The following HCN2 variants were observed in gnomAD, a reference collection of about 807,000 sequenced individuals.
HCN2 encodes the protein potassium/sodium hyperpolarization-activated cyclic nucleotide-gated channel 2.
In HCN2, 20 loss-of-function variants were observed where a neutral mutation model predicts 52.3. That is an observed-to-expected ratio of 0.38 (90% CI 0.27 to 0.56). The LOEUF is 0.56. Ranked by LOEUF, HCN2 falls within the 20% of genes least tolerant of loss-of-function variation. The pLI is 0.71. For synonymous variants in HCN2, 694 were observed against 537.0 expected (o/e 1.29, Z -4.04); for missense variants, 981 against 1,207.7 (o/e 0.81, Z 2.78).
intron 1 of HCN2, among the ~76,000 whole-genome samples, chr19:597,093 G>A (rs747438439): frequency 9.2e-5 from 14 of 152,304 alleles, no homozygotes; most frequent in South Asian, 2.1e-4. Context: ...TGGTTGGAAC[G>A]GGCAGGCCCA....
chr19:593,238 A>C (rs565377628), intron 1 of HCN2, among the ~76,000 whole-genome samples: 45 of 152,278 alleles, frequency 3.0e-4, no homozygotes, highest in Non-Finnish European at 6.0e-4. Context: ...ATATTTGCTG[A>C]ATTTTCTGAG....
At chr19:611,321 G>A (rs59027729) in intron 5 of HCN2, among the ~76,000 whole-genome samples, 2,465 of 152,296 alleles carry the variant, frequency 0.016, 25 homozygotes, top group African/African-American at 0.037. Flanking sequence ...CCGTGATCAC[G>A]CAGGCAGCAG....
At chr19:611,403 C>G (rs77873908) in intron 5 of HCN2, among the ~76,000 whole-genome samples, 5,521 of 152,244 alleles carry the variant, frequency 0.036, 126 homozygotes, top group East Asian at 0.081. Context: ...GTGAGCCAGG[C>G]AGGGTGTCCC....
Position 613,380 on chromosome 19 carries a change from C to T in HCN2, c.1717C>T (p.Arg573Cys), listed in dbSNP as rs772809911. The T allele has an allele frequency of 9.9e-6, 16 of 1,612,776 alleles. No individual in the cohort carries two copies. The highest frequency in any genetic ancestry group is 2.2e-5 in the South Asian group (2 of 91,072). The change falls in exon 6 of 8, where the codon CGC becomes TGC. Residue 573 changes from arginine (R) to cysteine (C), a missense_variant. By Grantham distance (180) the Arg-to-Cys change is radical. Coordinates refer to ENST00000251287, the MANE Select transcript of HCN2 (RefSeq NM_001194.4). The stretch of plus-strand genomic sequence containing the variant: ...CTTCCAGCCGGGTGACTACATCATC[C>T]GCGAAGGCACCATCGGGAAGAAGAT... ...EVFQPGDYII[R>C]EGTIGKKMYF...
chr19:605,082 C>G lies in HCN2; in HGVS notation c.1078C>G (p.Leu360Val), dbSNP rs752383019. ...GCAGATCTTCCACATGACCTATGAC[C>G]TGGCCAGCGCGGTGATGAGGATCTG... ...WEEIFHMTYD[L>V]ASAVMRICNL... The change falls in exon 3 of 8, where the codon CTG (leucine) becomes GTG (valine). Residue 360 changes from leucine (L) to valine (V), a missense_variant. Physicochemically the swap from Leu to Val is conservative, Grantham distance 32 (BLOSUM62 1). Around this residue, in one of 6 missense-constraint regions of HCN2, gnomAD observed 282 missense variants for 553.8 expected, o/e 0.51. Transcript: ENST00000251287. 1 of 1,611,624 alleles carries G rather than the reference C, an allele frequency of 6.2e-7. No homozygotes were observed. Among genetic ancestry groups the G allele is most frequent in the Non-Finnish European group, 8.5e-7 (1 of 1,179,378 alleles).
Position 616,507 on chromosome 19 carries a change from CCGGGGG to C in HCN2, c.*39_*44del. On this transcript the variant is annotated 3_prime_UTR_variant, in exon 8 of 8. Coordinates refer to ENST00000251287, the MANE Select transcript of HCN2 (RefSeq NM_001194.4). The stretch of plus-strand genomic sequence containing the variant: ...CGACCGCCCCGCGGGCCCAGGCGGG[CCGGGGG>C]CGGGGCCGTCATCCAGACCAAAGCC... The C allele has an allele frequency of 1.7e-6, 2 of 1,189,194 alleles. No homozygotes were observed. Among genetic ancestry groups the C allele is most frequent in the Non-Finnish European group, 2.1e-6 (2 of 953,976 alleles). The allele number at this position is 1,189,194 out of a possible 1,614,324, so 73.7% of individuals were successfully genotyped here.
chr19:591,622 G>T lies in HCN2; in HGVS notation c.632+1045G>T, dbSNP rs1600513835. Among the ~76,000 whole-genome samples, 1 of 151,922 alleles carries T rather than the reference G, an allele frequency of 6.6e-6. No individual in the cohort carries two copies. Among genetic ancestry groups the T allele is most frequent in the East Asian group, 1.9e-4 (1 of 5,144 alleles). On this transcript the variant is annotated intron_variant, in intron 1 of 7. Coordinates refer to ENST00000251287, the MANE Select transcript of HCN2 (RefSeq NM_001194.4). This position sits in a 1 kb window ranked among gnomAD's most constrained non-coding sequence, Gnocchi z 4.1. ...TGGAGGGTGCAGGTGGAGGGTGTAG[G>T]TGGGGCCCGCCGGGCTAGCGAGGCC...
Position 598,750 on chromosome 19 carries a change from C to T in HCN2, c.633-4794C>T, listed in dbSNP as rs576994170. Among the ~76,000 whole-genome samples, 6 of 152,310 alleles carry T rather than the reference C, an allele frequency of 3.9e-5. No homozygotes were observed. The East Asian group carries it at 7.7e-4, about 20-fold the overall frequency. On this transcript the variant is annotated intron_variant, in intron 1 of 7. Transcript: ENST00000251287. Reference sequence around the variant, plus strand: ...CCGAGTAGCTGGGCCTACAGGCGCCCGCCACCTCACACAAAAAAATAATAC... The same window carrying T: ...CCGAGTAGCTGGGCCTACAGGCGCCTGCCACCTCACACAAAAAAATAATAC...
chr19:614,151 G>A, intron 7 of HCN2, 135 bp downstream of exon 7: 2 of 669,156 alleles, frequency 3.0e-6, no homozygotes, highest in African/African-American at 1.9e-5. Context: ...TTGGGGCAGA[G>A]ACGTGGCCAA....
At position 616,037 on chromosome 19, in the gene HCN2, C is replaced by G. The variant is rs1983897014; in HGVS notation, c.2233C>G (p.Pro745Ala). Residue 745 changes from proline (P) to alanine (A), a missense_variant, in exon 8 of 8, where the codon CCG (proline) becomes GCG (alanine). By Grantham distance (27) the Pro-to-Ala change is conservative. Around this residue, in one of 6 missense-constraint regions of HCN2, gnomAD observed 368 missense variants for 314.8 expected, o/e 1.17. Coordinates refer to ENST00000251287, the MANE Select transcript of HCN2 (RefSeq NM_001194.4). ...GAGCTTCTGCCCGCAGGTGGCGCGG[C>G]CGCTCGTGGGGCCGCTGGCGCTCGG... The part of the protein sequence containing the change: ...AMSFCPQVAR[P>A]LVGPLALGSP... The G allele has an allele frequency of 1.5e-6, 2 of 1,300,660 alleles. No homozygotes were observed. Among genetic ancestry groups the G allele is most frequent in the Non-Finnish European group, 1.9e-6 (2 of 1,030,216 alleles). 80.6% of individuals were successfully genotyped at this position (1,300,660 alleles called of 1,614,324 possible). A position where few individuals can be genotyped will look rare whatever the true frequency, so the allele number is the denominator to read the frequency against.
intron 1 of HCN2, among the ~76,000 whole-genome samples, chr19:602,547 G>T: frequency 6.6e-6 from 1 of 152,270 alleles, no homozygotes; most frequent in East Asian, 1.9e-4. Context: ...CTCACCTCCC[G>T]GCGTGAGCTG....
chr19:606,613 G>A (rs536215058), intron 3 of HCN2, among the ~76,000 whole-genome samples: 1 of 152,050 alleles, frequency 6.6e-6, no homozygotes, highest in African/African-American at 2.4e-5. Flanking sequence ...AGCACTTTGG[G>A]AGGCTGAGGC....
Position 615,890 on chromosome 19 carries a change from A to C in HCN2, c.2086A>C (p.Lys696Gln), listed in dbSNP as rs771555738. 2 of 1,612,820 alleles carry C rather than the reference A, an allele frequency of 1.2e-6. No homozygotes were observed. The highest frequency in any genetic ancestry group is 8.5e-7 in the Non-Finnish European group (1 of 1,179,844). The part of the protein sequence containing the change: ...QENAIIQEIV[K>Q]YDREMVQQAE... ...GAACGCCATCATCCAGGAGATCGTC[A>C]AGTACGACCGCGAGATGGTGCAGCA... Residue 696 changes from lysine to glutamine, a missense_variant, in exon 8 of 8, where the codon AAG becomes CAG. Around this residue, in one of 6 missense-constraint regions of HCN2, gnomAD observed 368 missense variants for 314.8 expected, o/e 1.17. Coordinates refer to ENST00000251287, the MANE Select transcript of HCN2 (RefSeq NM_001194.4).
chr19:596,684 GC>G (rs1321026837), intron 1 of HCN2, among the ~76,000 whole-genome samples: 2 of 152,194 alleles, frequency 1.3e-5, no homozygotes, highest in African/African-American at 4.8e-5. Context: ...GAGTGCTGGG[GC>G]CCGCCTGGGT....
At position 599,380 on chromosome 19, in the gene HCN2, T is replaced by C. The variant is rs1460313415; in HGVS notation, c.633-4164T>C. 7.7e-4 allele frequency among the ~76,000 whole-genome samples: 117 copies of C among 152,126 alleles called. 3 individuals carry two copies. Among genetic ancestry groups the C allele is most frequent in the Non-Finnish European group, 5.9e-5 (4 of 68,016 alleles). The stretch of plus-strand genomic sequence containing the variant: ...CGATGAGCTCCCAGGTTTTTCTTTA[T>C]TGGTGTTAACTTTGGGGAGTCCCTC... On this transcript the variant is annotated intron_variant, in intron 1 of 7. Transcript: ENST00000251287.
At chr19:613,666 GA>G (rs1197252974) in intron 6 of HCN2, among the ~76,000 whole-genome samples, 178 bp downstream of exon 6, 13 of 90,634 alleles carry the variant, frequency 1.4e-4, no homozygotes, top group Admixed American at 8.5e-4. Flanking sequence ...TGGGGCCGGG[GA>G]TGGGGATGGG....
chr19:611,246 C>T (rs1351104431), intron 5 of HCN2, among the ~76,000 whole-genome samples: 2 of 152,226 alleles, frequency 1.3e-5, no homozygotes, highest in East Asian at 1.9e-4. Flanking sequence ...TATTGAGCGC[C>T]GACTGCGTGC....
At position 615,807 on chromosome 19, in the gene HCN2, C is replaced by T. The variant is rs781095317; in HGVS notation, c.2003C>T (p.Ser668Phe). ...CCCTCTCCCGCAGGCAAGAAGAATT[C>T]CATCCTCCTGCACAAGGTGCAGCAT... Reference protein sequence around the residue: ...DRLDRIGKKNSILLHKVQHDL... With the variant: ...DRLDRIGKKNFILLHKVQHDL... The change falls in exon 8 of 8, where the codon TCC (serine) becomes TTC (phenylalanine). Residue 668 changes from serine to phenylalanine, a missense_variant. By Grantham distance (155) the Ser-to-Phe change is radical (BLOSUM62 -2). This residue lies in a region of HCN2 where 368 missense variants were observed against 314.8 expected (regional missense o/e 1.17). Transcript: ENST00000251287. 1 of 1,611,842 alleles carries T rather than the reference C, an allele frequency of 6.2e-7. No individual in the cohort carries two copies. Among genetic ancestry groups the T allele is most frequent in the South Asian group, 1.1e-5 (1 of 90,924 alleles).
intron 7 of HCN2, among the ~76,000 whole-genome samples, chr19:614,510 A>C (rs1202133284): frequency 6.6e-6 from 1 of 152,016 alleles, no homozygotes; most frequent in Non-Finnish European, 1.5e-5. Context: ...CAGAGTGGAG[A>C]CCAGGGTAAG....
Sources: gnomAD v4.1 joint callset for allele counts (sites outside exome capture counted in the v4.1 genomes callset) on GRCh38, gnomAD v4.1.1 for gene constraint, gnomAD v4.1.1 regional missense constraint, Gnocchi (gnomAD v3.1) non-coding constraint, MANE v1.5 for transcripts, NCBI Gene and HGNC (gene_info 2026-07-23, HGNC 2026-07-21) for gene names.